The following DLGAP1 variants were observed in gnomAD, a reference collection of about 807,000 sequenced individuals.
The protein encoded by DLGAP1 is DLG associated protein 1.
DLGAP1 carries 11 observed loss-of-function variants against 90.8 expected under a neutral mutation model. The observed-to-expected ratio is 0.12, with a 90% CI of 0.08 to 0.20. DLGAP1 has a LOEUF of 0.20. DLGAP1 is among the 10% of genes least tolerant of loss of function. The pLI is 1.00. For synonymous variants in DLGAP1, 558 were observed against 540.7 expected (o/e 1.03, Z -0.44); for missense variants, 1,050 against 1,333.8 (o/e 0.79, Z 3.31).
At chr18:3,734,995 TAACA>T (rs2056302476) in intron 6 of DLGAP1, among the ~76,000 whole-genome samples, 1 of 152,176 alleles carries the variant, frequency 6.6e-6, no homozygotes, top group Admixed American at 6.5e-5. Flanking sequence ...TATATTCTCC[TAACA>T]TTTATTTTAA....
chr18:3,802,271 C>G (rs770655970), intron 5 of DLGAP1, among the ~76,000 whole-genome samples: 2 of 148,840 alleles, frequency 1.3e-5, no homozygotes, highest in Admixed American at 6.7e-5. Context: ...GCATGAGCCA[C>G]CGACCCCGCC....
chr18:4,004,812 T>G (rs1417034070), intron 3 of DLGAP1, among the ~76,000 whole-genome samples: 1 of 152,134 alleles, frequency 6.6e-6, no homozygotes, highest in Non-Finnish European at 1.5e-5. Flanking sequence ...TGATAAATTA[T>G]TGTGTGCATT....
Position 4,166,628 on chromosome 18 carries a change from G to A in DLGAP1, c.-266-15341C>T, listed in dbSNP as rs117349396. Among the ~76,000 whole-genome samples the A allele has an allele frequency of 1.2e-4, 18 of 152,296 alleles. No homozygotes were observed. The East Asian group carries it at 1.7e-3, about 15-fold the overall frequency. On this transcript the variant is annotated intron_variant, in intron 1 of 12. Transcript: ENST00000315677. ...CTGTTCACAGCAGCATTAATTCACC[G>A]TAGCCAAAAGGTAGAAACACCATCC...
intron 4 of DLGAP1, among the ~76,000 whole-genome samples, chr18:3,859,300 A>C (rs7237105): frequency 0.13 from 19,463 of 152,210 alleles, 1,301 homozygotes; most frequent in Admixed American, 0.15. Context: ...CTGATAGGCA[A>C]TAGATATATA....
chr18:4,381,416 T>C lies in DLGAP1; in HGVS notation c.-267+73590A>G, dbSNP rs143615346. 3.8e-3 allele frequency among the ~76,000 whole-genome samples: 574 copies of C among 152,306 alleles called. 3 individuals are homozygous for C. The highest frequency in any genetic ancestry group is 6.8e-3 in the Non-Finnish European group (462 of 68,016). ...AAAGAACCAGTCCTCAGGTAATAAC[T>C]GATGAATCTTCTACTTACTCCAAAA... On this transcript the variant is annotated intron_variant, in intron 1 of 12. Coordinates refer to ENST00000315677, the MANE Select transcript of DLGAP1 (RefSeq NM_004746.4).
At chr18:3,586,336 G>A (rs1239341299) in intron 7 of DLGAP1, among the ~76,000 whole-genome samples, 3 of 152,096 alleles carry the variant, frequency 2.0e-5, no homozygotes, top group Admixed American at 1.3e-4. Context: ...TATACGGAGG[G>A]GCATTACTCA....
intron 1 of DLGAP1, among the ~76,000 whole-genome samples, chr18:4,249,661 C>T (rs751550787): frequency 1.3e-5 from 2 of 152,152 alleles, no homozygotes; most frequent in African/African-American, 2.4e-5. Context: ...AATCATAGCT[C>T]ACTGTAGCCT....
At chr18:3,939,545 A>G (rs2072723968) in intron 3 of DLGAP1, among the ~76,000 whole-genome samples, 1 of 152,152 alleles carries the variant, frequency 6.6e-6, no homozygotes, top group Admixed American at 6.5e-5. Flanking sequence ...TTGGAAAAAT[A>G]CCTATGACAC....
intron 9 of DLGAP1, among the ~76,000 whole-genome samples, chr18:3,556,620 T>C (rs931991501): frequency 6.6e-6 from 1 of 152,218 alleles, no homozygotes; most frequent in Non-Finnish European, 1.5e-5. Context: ...TAATATTCTA[T>C]TATCTGTATG....
chr18:3,932,823 T>A lies in DLGAP1; in HGVS notation c.-72-52683A>T, dbSNP rs777275087. On this transcript the variant is annotated intron_variant, in intron 3 of 12. Coordinates refer to ENST00000315677, the MANE Select transcript of DLGAP1 (RefSeq NM_004746.4). Reference sequence around the variant, plus strand: ...GGTGCACAAGTCATTAGAAAAAAAATTCAAGAAAGAAAAAGAATCAGATTC... The same window carrying A: ...GGTGCACAAGTCATTAGAAAAAAAAATCAAGAAAGAAAAAGAATCAGATTC... Among the ~76,000 whole-genome samples the A allele has an allele frequency of 3.4e-3, 518 of 151,968 alleles. 1 individual carries two copies. Among genetic ancestry groups the A allele is most frequent in the Non-Finnish European group, 2.7e-3 (184 of 67,970 alleles).
intron 4 of DLGAP1, among the ~76,000 whole-genome samples, chr18:3,819,138 G>A (rs1331675222): frequency 4.0e-5 from 6 of 151,746 alleles, no homozygotes; most frequent in South Asian, 4.1e-4. Flanking sequence ...ATAAAACCCC[G>A]TCTCTACTAA....
At chr18:4,341,329 A>C (rs905232923) in intron 1 of DLGAP1, among the ~76,000 whole-genome samples, 1 of 152,148 alleles carries the variant, frequency 6.6e-6, no homozygotes, top group Non-Finnish European at 1.5e-5. Context: ...TGTACTAAGA[A>C]ATTTTTGTCT....
At chr18:4,226,048 G>C (rs1598661935) in intron 1 of DLGAP1, among the ~76,000 whole-genome samples, 2 of 152,088 alleles carry the variant, frequency 1.3e-5, no homozygotes, top group African/African-American at 2.4e-5. Flanking sequence ...AGCAGCAAGA[G>C]AAAGGAACCA....
chr18:4,320,666 T>G (rs1373833577), intron 1 of DLGAP1, among the ~76,000 whole-genome samples: 2 of 151,978 alleles, frequency 1.3e-5, no homozygotes, highest in African/African-American at 4.8e-5. Context: ...GAATTAAAGT[T>G]GCCCTTTCCA....
intron 3 of DLGAP1, among the ~76,000 whole-genome samples, chr18:3,928,518 A>G (rs993663297): frequency 6.6e-6 from 1 of 152,220 alleles, no homozygotes; most frequent in Non-Finnish European, 1.5e-5. Flanking sequence ...GATGATGATA[A>G]TAAGAATAGC....
chr18:3,990,555 A>G (rs1261309760), intron 3 of DLGAP1, among the ~76,000 whole-genome samples: 10 of 150,774 alleles, frequency 6.6e-5, no homozygotes, highest in East Asian at 3.9e-4. Context: ...AATGGGTGCA[A>G]CACACCAACA....
At chr18:3,784,600 G>A (rs2065357845) in intron 5 of DLGAP1, among the ~76,000 whole-genome samples, 2 of 152,134 alleles carry the variant, frequency 1.3e-5, no homozygotes, top group Admixed American at 6.5e-5. Context: ...TCTTGATGAC[G>A]GCCGGATCCC....
intron 9 of DLGAP1, among the ~76,000 whole-genome samples, chr18:3,551,645 TCTCTCTCTTTGTCTCTTTCC>T (rs2053442354): frequency 3.8e-5 from 1 of 26,186 alleles, no homozygotes; most frequent in Non-Finnish European, 1.0e-4. Context: ...CCTTCCTTTC[TCTCTCTCTTTGTCTCTTTCC>T]TTCTTTCTTT....
intron 7 of DLGAP1, among the ~76,000 whole-genome samples, chr18:3,601,995 C>A (rs567772377): frequency 6.6e-6 from 1 of 151,992 alleles, no homozygotes; most frequent in South Asian, 2.1e-4. Context: ...GGCTACAGTG[C>A]GAGACTCCTT....
Sources: allele counts gnomAD v4.1 joint callset (sites outside exome capture counted in the v4.1 genomes callset), GRCh38; gene constraint gnomAD v4.1.1; transcripts MANE v1.5; gene names NCBI Gene and HGNC (gene_info 2026-07-23, HGNC 2026-07-21).